Variants in UBALD1 observed in about 807,000 individuals in gnomAD.
UBALD1 encodes UBA-like domain-containing protein 1.
UBALD1 carries 5 observed loss-of-function variants against 16.1 expected under a neutral mutation model. That is an observed-to-expected ratio of 0.31 (90% confidence interval 0.16 to 0.66). UBALD1 has a LOEUF of 0.66. Ranked by LOEUF, UBALD1 falls within the 30% of genes least tolerant of loss-of-function variation. The pLI is 0.77. For synonymous variants in UBALD1, 146 were observed against 105.3 expected, an observed-to-expected ratio of 1.39 and a Z score of -2.37; for missense variants, 220 against 252.8, an observed-to-expected ratio of 0.87 and a Z score of 0.88.
Position 4,609,652 on chromosome 16 carries a change from G to T in UBALD1, c.515C>A (p.Ala172Asp). The change falls in exon 3 of 3, where the codon GCC becomes GAC. Residue 172 changes from alanine (A) to aspartate (D), a missense_variant. This residue lies in a region of UBALD1 where 151 missense variants were observed against 132.6 expected (regional missense o/e 1.14). Transcript: ENST00000283474. ...QATSEPRAHP[A>D]MEAER Reference sequence around the variant, plus strand: ...CCTCCCTTATCTCTCTGCCTCCATGGCAGGGTGGGCCCTGGGTTCTGAGGT... The same window carrying T: ...CCTCCCTTATCTCTCTGCCTCCATGTCAGGGTGGGCCCTGGGTTCTGAGGT... The T allele has an allele frequency of 7.0e-7, 1 of 1,419,350 alleles. No individual in the cohort carries two copies. The highest frequency in any genetic ancestry group is 9.2e-7 in the Non-Finnish European group (1 of 1,084,966). The allele number at this position is 1,419,350 out of a possible 1,614,324, so 87.9% of individuals were successfully genotyped here. A position where few individuals can be genotyped will look rare whatever the true frequency, so the allele number is the denominator to read the frequency against.
At chr16:4,614,151 G>A (rs1171696189) in intron 1 of UBALD1, 1 of 221,358 alleles carries the variant, frequency 4.5e-6, no homozygotes, top group Non-Finnish European at 8.9e-6. Context: ...GCGCCAACGT[G>A]CCCGCAGGTC....
rs971071020 is a variant in UBALD1, at chr16:4,609,423, T to A, written c.*210A>T. The A allele has an allele frequency of 4.3e-5, 17 of 398,136 alleles. No homozygotes were observed. The highest frequency in any genetic ancestry group is 1.3e-4 in the Admixed American group (3 of 23,130). 24.7% of individuals were successfully genotyped at this position (398,136 alleles called of 1,614,324 possible). A position where few individuals can be genotyped will look rare whatever the true frequency, so the allele number is the denominator to read the frequency against. On this transcript the variant is annotated 3_prime_UTR_variant, in exon 3 of 3. Transcript: ENST00000283474. ...CCAGGCCGCGCTGAACCACTCCATG[T>A]GCCGGGGCCGCTGGGGCCATGACCT...
Position 4,609,344 on chromosome 16 carries a change from G to T in UBALD1, c.*289C>A, listed in dbSNP as rs1359644202. On this transcript the variant is annotated 3_prime_UTR_variant, in exon 3 of 3. Transcript: ENST00000283474. ...CGGCACCCCTGGGCTGGGCTGGGCA[G>T]GTGCGTCTTCGAAGGAAGGCTGCGT... 3 of 321,920 alleles carry T rather than the reference G, an allele frequency of 9.3e-6. No homozygotes were observed. Among genetic ancestry groups the T allele is most frequent in the African/African-American group, 2.1e-5 (1 of 46,928 alleles). The allele number at this position is 321,920 out of a possible 1,614,324, so 19.9% of individuals were successfully genotyped here.
intron 2 of UBALD1, 151 bp downstream of exon 2, chr16:4,610,342 G>A: frequency 1.2e-6 from 1 of 803,382 alleles, no homozygotes; most frequent in Non-Finnish European, 2.0e-6. Context: ...CAGGACCCAC[G>A]GAGCCGGGAC....
At chr16:4,610,701 T>A in intron 1 of UBALD1, 146 bp from the exon 2 acceptor site, 1 of 853,150 alleles carries the variant, frequency 1.2e-6, no homozygotes, top group Non-Finnish European at 1.8e-6. Flanking sequence ...GCTCAGTGGC[T>A]TGCCTGTCAC....
At chr16:4,613,235 G>A (rs150525633) in intron 1 of UBALD1, among the ~76,000 whole-genome samples, 2 of 152,154 alleles carry the variant, frequency 1.3e-5, no homozygotes, top group Admixed American at 6.5e-5. Flanking sequence ...AGCTTCCTCC[G>A]GGTGGGGCTG....
intron 2 of UBALD1, 103 bp downstream of exon 2, chr16:4,610,390 T>G: frequency 7.6e-7 from 1 of 1,310,306 alleles, no homozygotes; most frequent in Non-Finnish European, 1.1e-6. Context: ...GAGCCCCGCC[T>G]GCACCAGCGC....
In UBALD1 at chr16:4,610,575, T is replaced by C. The variant is rs1897346793; in HGVS notation, c.121-20A>G. 2 of 1,603,774 alleles carry C rather than the reference T, an allele frequency of 1.2e-6. No individual in the cohort carries two copies. Among genetic ancestry groups the C allele is most frequent in the Non-Finnish European group, 1.7e-6 (2 of 1,176,464 alleles). On this transcript the variant is annotated intron_variant, in intron 1 of 2. Transcript: ENST00000283474. ...GGCTGTCTGCAGGAAGAAAGGCCCC[T>C]GCTCACCCTCCAGGCCCCCGCCGGC...
chr16:4,609,613 G>A lies in UBALD1; in HGVS notation c.*20C>T, dbSNP rs774856515. ...CCGCCCCACGGGGTCCTGGCCTCCG[G>A]GAGGGGGGAGGGGCCTCCCTTATCT... On this transcript the variant is annotated 3_prime_UTR_variant, in exon 3 of 3. Transcript: ENST00000283474. The A allele has an allele frequency of 4.5e-5, 53 of 1,177,042 alleles. No individual in the cohort carries two copies. Among genetic ancestry groups the A allele is most frequent in the Non-Finnish European group, 5.4e-5 (48 of 887,296 alleles). The allele number at this position is 1,177,042 out of a possible 1,614,324, so 72.9% of individuals were successfully genotyped here.
intron 1 of UBALD1, chr16:4,614,322 CTGGG>C: frequency 2.7e-6 from 1 of 365,362 alleles, no homozygotes; most frequent in Admixed American, 4.7e-5. Flanking sequence ...CTGCCGAGGC[CTGGG>C]GCGTCCTCCT....
At chr16:4,612,303 C>G (rs923850779) in intron 1 of UBALD1, among the ~76,000 whole-genome samples, 5 of 152,202 alleles carry the variant, frequency 3.3e-5, no homozygotes, top group Admixed American at 6.5e-5. Context: ...ACCTCATGAT[C>G]CGCCCACCTT....
At chr16:4,610,592 C>T in intron 1 of UBALD1, 37 bp from the exon 2 acceptor site, 1 of 1,589,736 alleles carries the variant, frequency 6.3e-7, no homozygotes, top group Non-Finnish European at 8.5e-7. Context: ...CCTCCAGGCC[C>T]CCGCCGGCCC....
intron 1 of UBALD1, chr16:4,614,092 A>T (rs1897391339): frequency 6.1e-6 from 1 of 164,918 alleles, no homozygotes. Context: ...CCACATGTGT[A>T]CGCGTTGATC....
intron 1 of UBALD1, among the ~76,000 whole-genome samples, chr16:4,612,210 C>T (rs868352265): frequency 4.3e-4 from 65 of 151,936 alleles, no homozygotes; most frequent in African/African-American, 1.5e-3. Flanking sequence ...ACTACAGGCA[C>T]GTGCCACCAC....
intron 1 of UBALD1, among the ~76,000 whole-genome samples, chr16:4,613,496 C>A (rs866635098): frequency 2.6e-5 from 4 of 152,240 alleles, no homozygotes; most frequent in African/African-American, 9.6e-5. Context: ...ACATTCTGAT[C>A]CCCCTGCAGT....
intron 1 of UBALD1, among the ~76,000 whole-genome samples, chr16:4,613,393 C>A (rs965080142): frequency 2.0e-5 from 3 of 152,166 alleles, no homozygotes; most frequent in African/African-American, 4.8e-5. Flanking sequence ...GTGGCCTCCG[C>A]GACGGCTGGT....
Position 4,609,693 on chromosome 16 carries a change from CA to C in UBALD1, c.473del (p.Leu158ArgfsTer66). The C allele has an allele frequency of 2.0e-6, 3 of 1,477,384 alleles. No individual in the cohort carries two copies. The highest frequency in any genetic ancestry group is 2.7e-6 in the Non-Finnish European group (3 of 1,116,206). 91.5% of individuals were successfully genotyped at this position (1,477,384 alleles called of 1,614,324 possible). A position where few individuals can be genotyped will look rare whatever the true frequency, so the allele number is the denominator to read the frequency against. On this transcript the variant is annotated frameshift_variant, in exon 3 of 3. Coordinates refer to ENST00000283474, the MANE Select transcript of UBALD1 (RefSeq NM_145253.3). LOFTEE classifies it high-confidence loss of function. ...GTTCTGAGGTGGCCTGTTGGGGGGC[CA>C]GGGGTGGCCAGTCTGAAGCCGGAGA... The part of the protein sequence containing the change: ...PPSPASDWPP[L>X]APQQATSEPR...
At chr16:4,614,510 C>T (rs1316859234) in intron 1 of UBALD1, 168 bp downstream of exon 1, 2 of 1,181,198 alleles carry the variant, frequency 1.7e-6, no homozygotes, top group Admixed American at 6.0e-5. Context: ...CGCCGCGAGC[C>T]CTTGGGATCC....
rs145628845 is a variant in UBALD1, at chr16:4,614,878, C to A, written c.-81G>T. 14 of 1,328,604 alleles carry A rather than the reference C, an allele frequency of 1.1e-5. No individual in the cohort carries two copies. The highest frequency in any genetic ancestry group is 1.4e-5 in the Non-Finnish European group (14 of 1,022,896). The allele number at this position is 1,328,604 out of a possible 1,614,324, so 82.3% of individuals were successfully genotyped here. ...CGCGTCCACCATTAGCGAGCCGGCT[C>A]CGGCTAATACAAATATTTACTGTGC... On this transcript the variant is annotated 5_prime_UTR_variant, in exon 1 of 3. Coordinates refer to ENST00000283474, the MANE Select transcript of UBALD1 (RefSeq NM_145253.3).
Sources: gnomAD v4.1 joint callset for allele counts (sites outside exome capture counted in the v4.1 genomes callset) on GRCh38, gnomAD v4.1.1 for gene constraint, gnomAD v4.1.1 regional missense constraint, MANE v1.5 for transcripts, NCBI Gene and HGNC (gene_info 2026-07-23, HGNC 2026-07-21) for gene names.